The following CETP variants were observed in gnomAD, a reference collection of about 807,000 sequenced individuals.
CETP encodes cholesteryl ester transfer protein.
Under a neutral mutation model 66.5 loss-of-function variants are expected in CETP, and 56 were observed. That is an observed-to-expected ratio of 0.84 (90% CI 0.68 to 1.05). CETP has a LOEUF of 1.05. Ranked by LOEUF, CETP falls within the 50% of genes least tolerant of loss-of-function variation. CETP has a pLI of 0.00. For missense variants in CETP, 612 were observed against 609.6 expected, an observed-to-expected ratio of 1.00 and a Z score of -0.04; for synonymous variants, 251 against 245.7, an observed-to-expected ratio of 1.02 and a Z score of -0.20.
rs537097495 is a variant in CETP at position 56,975,016 on chromosome 16, G to A, written c.931-85G>A. ...GCGTCTGAGGAGGGGTCCAGTCCTT[G>A]AAACTGCCCTTGGTCCCTGCGAAGT... On this transcript the variant is annotated intron_variant, in intron 9 of 15. Coordinates refer to ENST00000200676, the MANE Select transcript of CETP (RefSeq NM_000078.3). The A allele has an allele frequency of 1.0e-4, 127 of 1,249,110 alleles. No homozygotes were observed. In the African/African-American group the frequency reaches 1.6e-3, roughly 16 times the overall value. The allele number at this position is 1,249,110 out of a possible 1,614,324, so 77.4% of individuals were successfully genotyped here. A position where few individuals can be genotyped will look rare whatever the true frequency, so the allele number is the denominator to read the frequency against.
At chr16:56,979,949 C>T (rs779711164) in intron 11 of CETP, among the ~76,000 whole-genome samples, 3 of 152,194 alleles carry the variant, frequency 2.0e-5, no homozygotes, top group African/African-American at 4.8e-5. Context: ...GGTGCATTTC[C>T]TTCTGGTGCT....
At chr16:56,972,153 C>A in intron 8 of CETP, 70 bp downstream of exon 8, 1 of 1,174,378 alleles carries the variant, frequency 8.5e-7, no homozygotes, top group Non-Finnish European at 1.3e-6. Context: ...TGTGCTCTGA[C>A]AACCCCGTCC....
At chr16:56,968,479 G>A (rs1256673025) in intron 2 of CETP, among the ~76,000 whole-genome samples, 3 of 152,122 alleles carry the variant, frequency 2.0e-5, no homozygotes, top group African/African-American at 4.8e-5. Context: ...GAGCCACCAC[G>A]CTGGCCCACC....
chr16:56,970,755 A>T (rs923353535), intron 5 of CETP, among the ~76,000 whole-genome samples: 18 of 152,342 alleles, frequency 1.2e-4, no homozygotes, highest in African/African-American at 4.3e-4. Context: ...GCAGACGGAT[A>T]CATGTATGAA....
chr16:56,970,084 A>C, intron 5 of CETP, 83 bp downstream of exon 5: 2 of 1,339,758 alleles, frequency 1.5e-6, no homozygotes, highest in Non-Finnish European at 2.1e-6. Context: ...GCTCAACCCC[A>C]CACAGGGCAT....
At chr16:56,966,813 C>T (rs1202603640) in intron 2 of CETP, among the ~76,000 whole-genome samples, 1 of 150,974 alleles carries the variant, frequency 6.6e-6, no homozygotes, top group Non-Finnish European at 1.5e-5. Context: ...TGGGGTTTCA[C>T]CATGCTGGCC....
chr16:56,972,426 C>G (rs2056118938), intron 8 of CETP, among the ~76,000 whole-genome samples: 1 of 152,224 alleles, frequency 6.6e-6, no homozygotes, highest in South Asian at 2.1e-4. Context: ...TTTGGACCCT[C>G]TATTACTTAG....
In CETP at chr16:56,962,088, C is replaced by T. The variant is rs773933829; in HGVS notation, c.109C>T (p.Leu37Phe). 3.1e-6 allele frequency: 5 copies of T among 1,613,218 alleles called. No homozygotes were observed. The South Asian group carries it at 5.5e-5, about 18-fold the overall frequency. ...GIVCRITKPA[L>F]LVLNHETAKV... ...CGTGTGCCGCATCACCAAGCCTGCC[C>T]TCCTGGTGTGTAAGTATCAGTGCAT... Residue 37 changes from leucine to phenylalanine, a missense_variant, in exon 1 of 16, where the codon CTC (leucine) becomes TTC (phenylalanine). Coordinates refer to ENST00000200676, the MANE Select transcript of CETP (RefSeq NM_000078.3).
intron 2 of CETP, among the ~76,000 whole-genome samples, chr16:56,964,851 A>G (rs2056054725): frequency 6.6e-6 from 1 of 152,202 alleles, no homozygotes; most frequent in South Asian, 2.1e-4. Flanking sequence ...AAAGAGAATA[A>G]TGGGCAAGGT....
chr16:56,971,099 A>T lies in CETP; in HGVS notation c.594A>T (p.Gly198=). 6.2e-7 allele frequency: 1 copy of T among 1,613,878 alleles called. No individual in the cohort carries two copies. The highest frequency in any genetic ancestry group is 2.2e-5 in the East Asian group (1 of 44,878). Residue 198 remains glycine, a synonymous_variant, in exon 6 of 16, where the codon GGA becomes GGT. Coordinates refer to ENST00000200676, the MANE Select transcript of CETP (RefSeq NM_000078.3). ...TCACCCTGAAGCTGGTCCTGAAGGG[A>T]CAGGTGAGTGAGGCTGGCTGACTCC... The part of the protein sequence containing the change: ...ISFTLKLVLK[G]QICKEINVIS...
chr16:56,976,768 C>T (rs1211034389), intron 10 of CETP, among the ~76,000 whole-genome samples: 4 of 152,098 alleles, frequency 2.6e-5, no homozygotes, highest in South Asian at 2.1e-4. Context: ...GTTGCTCTGT[C>T]GTGTTTTCCA....
At chr16:56,964,801 G>A (rs1006077113) in intron 2 of CETP, among the ~76,000 whole-genome samples, 2 of 152,228 alleles carry the variant, frequency 1.3e-5, no homozygotes, top group South Asian at 2.1e-4. Flanking sequence ...GCGCAGCCAC[G>A]CCCTCTGTGT....
At chr16:56,979,304 C>T (rs1197414930) in intron 11 of CETP, among the ~76,000 whole-genome samples, 1 of 152,122 alleles carries the variant, frequency 6.6e-6, no homozygotes, top group Non-Finnish European at 1.5e-5. Flanking sequence ...TGTGGGGTGG[C>T]ACCCCACAAT....
chr16:56,982,247 G>C lies in CETP; in HGVS notation c.1321+10G>C. Reference sequence around the variant, plus strand: ...CCTGAGGTCATGTCTCGTAAGTGTGGGCTGGAGGGGAAACTGGGTGCCGAG... The same window carrying C: ...CCTGAGGTCATGTCTCGTAAGTGTGCGCTGGAGGGGAAACTGGGTGCCGAG... On this transcript the variant is annotated intron_variant, in intron 14 of 15. Transcript: ENST00000200676. 6.2e-7 allele frequency: 1 copy of C among 1,613,752 alleles called. No individual in the cohort carries two copies. The highest frequency in any genetic ancestry group is 8.5e-7 in the Non-Finnish European group (1 of 1,179,720).
At chr16:56,968,439 G>A (rs1304354237) in intron 2 of CETP, among the ~76,000 whole-genome samples, 3 of 152,048 alleles carry the variant, frequency 2.0e-5, no homozygotes, top group African/African-American at 7.2e-5. Context: ...TGCCCTCCTC[G>A]GCCTCCCAAA....
Position 56,982,147 on chromosome 16 carries a change from T to C in CETP, c.1249-18T>C, listed in dbSNP as rs375060898. 2 of 1,613,480 alleles carry C rather than the reference T, an allele frequency of 1.2e-6. No individual in the cohort carries two copies. Among genetic ancestry groups the C allele is most frequent in the African/African-American group, 2.7e-5 (2 of 74,916 alleles). On this transcript the variant is annotated intron_variant, in intron 13 of 15. Coordinates refer to ENST00000200676, the MANE Select transcript of CETP (RefSeq NM_000078.3). ...TCTGTGCTCCAGGGAGGACTCACCATGGGCATTTGATTGGCAGAGCAGCTC... is the reference window on the plus strand; with the variant it reads ...TCTGTGCTCCAGGGAGGACTCACCACGGGCATTTGATTGGCAGAGCAGCTC...
intron 11 of CETP, among the ~76,000 whole-genome samples, chr16:56,980,951 A>G (rs1332987195): frequency 6.6e-6 from 1 of 152,178 alleles, no homozygotes; most frequent in Non-Finnish European, 1.5e-5. Flanking sequence ...AAGAAAAAGA[A>G]AGTGACTTCT....
chr16:56,975,151 G>T lies in CETP; in HGVS notation c.981G>T (p.Glu327Asp). The change falls in exon 10 of 16, where the codon GAG (glutamate) becomes GAT (aspartate). Residue 327 changes from glutamate (E) to aspartate (D), a missense_variant and splice_region_variant. Physicochemically the swap from Glu to Asp is conservative, Grantham distance 45. Coordinates refer to ENST00000200676, the MANE Select transcript of CETP (RefSeq NM_000078.3). ...GFNTNQEIFQEVVGGFPSQAQ... is the reference protein window; with the variant it reads ...GFNTNQEIFQDVVGGFPSQAQ... Reference sequence around the variant, plus strand: ...ACACCAACCAGGAAATCTTCCAAGAGGTAACTGCCCCCTGCCCCTGTGTGG... The same window carrying T: ...ACACCAACCAGGAAATCTTCCAAGATGTAACTGCCCCCTGCCCCTGTGTGG... 2 of 1,614,098 alleles carry T rather than the reference G, an allele frequency of 1.2e-6. No homozygotes were observed. Among genetic ancestry groups the T allele is most frequent in the Non-Finnish European group, 1.7e-6 (2 of 1,179,952 alleles).
At chr16:56,981,052 C>A in intron 11 of CETP, 106 bp from the exon 12 acceptor site, 1 of 851,124 alleles carries the variant, frequency 1.2e-6, no homozygotes, top group Middle Eastern at 2.3e-4. Context: ...GTCATCCTTG[C>A]CTCTCCAGTC....
Sources: gnomAD v4.1 joint callset for allele counts (sites outside exome capture counted in the v4.1 genomes callset) on GRCh38, gnomAD v4.1.1 for gene constraint, MANE v1.5 for transcripts, NCBI Gene and HGNC (gene_info 2026-07-23, HGNC 2026-07-21) for gene names.